SGCZ: variants seen among roughly 807,000 people sequenced by gnomAD.
SGCZ encodes the protein sarcoglycan zeta.
A neutral mutation model predicts 41.3 loss-of-function variants in SGCZ; 40 were observed. The ratio of observed to expected loss-of-function variants is 0.97; its 90% CI spans 0.75 to 1.26. The LOEUF is 1.26. Ranked by LOEUF, SGCZ falls within the 50% of genes most tolerant of loss-of-function variation. The pLI is 0.00. For synonymous variants in SGCZ, 206 were observed against 137.5 expected, an observed-to-expected ratio of 1.50 and a Z score of -3.49; for missense variants, 552 against 369.8, an observed-to-expected ratio of 1.49 and a Z score of -4.04.
intron 1 of SGCZ, among the ~76,000 whole-genome samples, chr8:14,611,359 A>G (rs1805923587): frequency 6.6e-6 from 1 of 152,154 alleles, no homozygotes; most frequent in South Asian, 2.1e-4. Context: ...TGTATGAAAT[A>G]GATTGTGGAA....
intron 4 of SGCZ, among the ~76,000 whole-genome samples, chr8:14,174,289 T>C (rs969063659): frequency 6.6e-6 from 1 of 152,096 alleles, no homozygotes; most frequent in Non-Finnish European, 1.5e-5. Flanking sequence ...CATCAGTTTA[T>C]CAGAATAATG....
chr8:14,975,986 G>GTATATATATATACATATATA (rs1801461859), intron 1 of SGCZ, among the ~76,000 whole-genome samples: 1 of 113,778 alleles, frequency 8.8e-6, no homozygotes, highest in Non-Finnish European at 1.9e-5. Context: ...GTGTATGTGT[G>GTATATATATATACATATATA]TATATATATA....
intron 1 of SGCZ, among the ~76,000 whole-genome samples, chr8:14,790,312 C>T (rs1427447147): frequency 6.6e-6 from 1 of 152,102 alleles, no homozygotes; most frequent in Admixed American, 6.6e-5. Flanking sequence ...ATTGCAAAAA[C>T]AGTTATTTTG....
chr8:14,400,300 G>T (rs540212247), intron 2 of SGCZ, among the ~76,000 whole-genome samples: 1 of 152,118 alleles, frequency 6.6e-6, no homozygotes, highest in East Asian at 1.9e-4. Context: ...TGGCTATTAA[G>T]AATAATACAC....
At chr8:14,536,250 CAATT>C (rs1424830983) in intron 2 of SGCZ, among the ~76,000 whole-genome samples, 1 of 151,620 alleles carries the variant, frequency 6.6e-6, no homozygotes, top group Non-Finnish European at 1.5e-5. Flanking sequence ...ATAAAAGAAA[CAATT>C]CATTCATGTT....
chr8:14,271,228 T>G (rs1372630158), intron 3 of SGCZ, among the ~76,000 whole-genome samples: 1 of 151,854 alleles, frequency 6.6e-6, no homozygotes, highest in African/African-American at 2.4e-5. Context: ...TGTATAGGAG[T>G]TGACTATCTA....
chr8:14,414,527 T>C (rs1394339752), intron 2 of SGCZ, among the ~76,000 whole-genome samples: 1 of 151,926 alleles, frequency 6.6e-6, no homozygotes, highest in Non-Finnish European at 1.5e-5. Context: ...AAGACCAACA[T>C]TCAATTAAAC....
chr8:14,250,686 C>G (rs1563212958), intron 3 of SGCZ, among the ~76,000 whole-genome samples: 1 of 152,128 alleles, frequency 6.6e-6, no homozygotes, highest in East Asian at 1.9e-4. Flanking sequence ...TGAGTTAACC[C>G]TTGAGATGCC....
intron 1 of SGCZ, among the ~76,000 whole-genome samples, chr8:15,168,462 C>G (rs543304341): frequency 9.1e-4 from 138 of 151,992 alleles, no homozygotes; most frequent in African/African-American, 3.2e-3. Flanking sequence ...TTCTCTAGCT[C>G]CCCCCACAAC....
intron 6 of SGCZ, 100 bp from the exon 7 acceptor site, chr8:14,102,599 C>G (rs959541856): frequency 9.2e-7 from 1 of 1,086,058 alleles, no homozygotes; most frequent in Non-Finnish European, 1.2e-6. Context: ...CAACATTGGT[C>G]AAAACAACAA....
chr8:14,551,497 ATTATATATATTATATATATT>A (rs1563404307), intron 2 of SGCZ, among the ~76,000 whole-genome samples: 3 of 5,644 alleles, frequency 5.3e-4, no homozygotes, highest in African/African-American at 2.5e-3. Context: ...TATTATATAT[ATTATATATATTATATATATT>A]ATATATAATA....
At chr8:14,796,161 A>G (rs1186951265) in intron 1 of SGCZ, among the ~76,000 whole-genome samples, 2 of 152,232 alleles carry the variant, frequency 1.3e-5, no homozygotes, top group African/African-American at 4.8e-5. Context: ...TTATAATAGA[A>G]GGGTTTATAT....
chr8:14,456,592 G>T (rs1047566700), intron 2 of SGCZ, among the ~76,000 whole-genome samples: 1 of 152,048 alleles, frequency 6.6e-6, no homozygotes, highest in East Asian at 1.9e-4. Flanking sequence ...AACGAGATTG[G>T]TTACCTATTG....
chr8:14,829,750 G>GTTT (rs138768888), intron 1 of SGCZ, among the ~76,000 whole-genome samples: 77 of 151,754 alleles, frequency 5.1e-4, no homozygotes, highest in African/African-American at 1.6e-3. Flanking sequence ...ATTATTTAAG[G>GTTT]GTTTTTTTAA....
At chr8:14,340,764 C>T (rs948697377) in intron 2 of SGCZ, among the ~76,000 whole-genome samples, 5 of 152,014 alleles carry the variant, frequency 3.3e-5, no homozygotes, top group Admixed American at 6.6e-5. Context: ...AGGTAACATG[C>T]TTTTTTATTG....
rs75615704 is a variant in SGCZ, at chr8:14,302,859, A to G, written c.336+21244T>C. ...TTCTGATGACGTCACTTAAATGCTC[A>G]AAAGAGGGCTCTCTATTTCTCAGGA... On this transcript the variant is annotated intron_variant, in intron 3 of 7. Coordinates refer to ENST00000382080, the MANE Select transcript of SGCZ (RefSeq NM_139167.4). Among the ~76,000 whole-genome samples the G allele has an allele frequency of 2.6e-4, 40 of 152,350 alleles. No individual in the cohort carries two copies. The East Asian group carries it at 7.3e-3, about 28-fold the overall frequency.
chr8:14,985,470 G>C (rs1011406280), intron 1 of SGCZ, among the ~76,000 whole-genome samples: 1 of 152,148 alleles, frequency 6.6e-6, no homozygotes, highest in African/African-American at 2.4e-5. Context: ...CAGAGCAAAT[G>C]AGACTAAAAA....
intron 1 of SGCZ, among the ~76,000 whole-genome samples, chr8:14,770,493 A>G (rs774998917): frequency 1.5e-4 from 23 of 151,866 alleles, no homozygotes; most frequent in Non-Finnish European, 2.2e-4. Flanking sequence ...AAACTGAAAT[A>G]TTATAAACTA....
rs1390087510 is a variant in SGCZ at position 14,087,722 on chromosome 8, A to T, written c.*2721T>A. ...AGGGACCACTATATTTTTAAAAAAA[A>T]AAAAATGCTTTTTTGTGTTTGAATG... On this transcript the variant is annotated 3_prime_UTR_variant, in exon 8 of 8. Coordinates refer to ENST00000382080, the MANE Select transcript of SGCZ (RefSeq NM_139167.4). 1.3e-5 allele frequency among the ~76,000 whole-genome samples: 2 copies of T among 150,392 alleles called. No individual in the cohort carries two copies. Among genetic ancestry groups the T allele is most frequent in the South Asian group, 2.1e-4 (1 of 4,820 alleles).
Sources: allele counts gnomAD v4.1 joint callset (sites outside exome capture counted in the v4.1 genomes callset), GRCh38; gene constraint gnomAD v4.1.1; transcripts MANE v1.5; gene names NCBI Gene and HGNC (gene_info 2026-07-23, HGNC 2026-07-21).